LRRTM4: variants seen among roughly 807,000 people sequenced by gnomAD.
The protein encoded by LRRTM4 is leucine-rich repeat transmembrane neuronal protein 4.
In LRRTM4, 25 loss-of-function variants were observed where a neutral mutation model predicts 47.6. That is an observed-to-expected ratio of 0.53 (90% confidence interval 0.38 to 0.73). The LOEUF (loss-of-function observed/expected upper bound fraction) is 0.73. LRRTM4 is among the 30% of genes least tolerant of loss of function. The probability of loss-of-function intolerance (pLI) is 0.00; values close to 1 mark genes in which losing one functional copy is unlikely to be tolerated. For synonymous variants in LRRTM4, 311 were observed against 269.5 expected (o/e 1.15, Z -1.51); for missense variants, 638 against 713.4 (o/e 0.89, Z 1.20).
chr2:76,838,509 A>AT (rs955770669), intron 3 of LRRTM4, among the ~76,000 whole-genome samples: 15 of 152,126 alleles, frequency 9.9e-5, no homozygotes, highest in African/African-American at 3.6e-4. Context: ...ACATATTCTG[A>AT]TTTTGTTATC....
chr2:76,961,416 A>G (rs923179056), intron 3 of LRRTM4, among the ~76,000 whole-genome samples: 2 of 150,776 alleles, frequency 1.3e-5, no homozygotes, highest in South Asian at 4.2e-4. Context: ...AAAAAAAAAA[A>G]CTCATCGTCA....
At chr2:77,144,347 GAACGGAA>G (rs1295847328) in intron 3 of LRRTM4, among the ~76,000 whole-genome samples, 1 of 151,934 alleles carries the variant, frequency 6.6e-6, no homozygotes, top group African/African-American at 2.4e-5. Flanking sequence ...ACCTTTTCTT[GAACGGAA>G]ACCTGGGAAG....
chr2:76,829,663 G>C (rs969218484), intron 3 of LRRTM4, among the ~76,000 whole-genome samples: 2 of 151,890 alleles, frequency 1.3e-5, no homozygotes, highest in Non-Finnish European at 2.9e-5. Context: ...GTATGTGGAG[G>C]ACAAGGCTTA....
At chr2:77,152,045 T>C (rs1267765146) in intron 3 of LRRTM4, among the ~76,000 whole-genome samples, 1 of 152,172 alleles carries the variant, frequency 6.6e-6, no homozygotes, top group Admixed American at 6.5e-5. Context: ...TATTAAAAGT[T>C]AGATGTAGCT....
At chr2:77,469,648 C>T (rs1677109022) in intron 3 of LRRTM4, among the ~76,000 whole-genome samples, 1 of 151,936 alleles carries the variant, frequency 6.6e-6, no homozygotes, top group Non-Finnish European at 1.5e-5. Flanking sequence ...TGAATTGTGG[C>T]AAACTAAAGA....
chr2:77,445,666 A>C (rs1676024156), intron 3 of LRRTM4, among the ~76,000 whole-genome samples: 1 of 152,014 alleles, frequency 6.6e-6, no homozygotes, highest in Non-Finnish European at 1.5e-5. Context: ...TCCAAACAAA[A>C]TACCATTTGT....
intron 3 of LRRTM4, among the ~76,000 whole-genome samples, chr2:76,932,431 G>C (rs1390396676): frequency 6.6e-6 from 1 of 151,922 alleles, no homozygotes; most frequent in Non-Finnish European, 1.5e-5. Context: ...CTATAATAAA[G>C]GCATTCCCCT....
intron 3 of LRRTM4, among the ~76,000 whole-genome samples, chr2:77,064,218 A>G (rs763163700): frequency 1.3e-5 from 2 of 152,142 alleles, no homozygotes; most frequent in Non-Finnish European, 2.9e-5. Flanking sequence ...TCCAATAAGT[A>G]CTTCCACCCT....
chr2:77,149,642 T>C (rs549480072), intron 3 of LRRTM4, among the ~76,000 whole-genome samples: 2 of 152,346 alleles, frequency 1.3e-5, no homozygotes, highest in African/African-American at 4.8e-5. Flanking sequence ...GTTTCTGACA[T>C]ATCAGGCTTT....
intron 3 of LRRTM4, among the ~76,000 whole-genome samples, chr2:77,172,658 C>T (rs1573036759): frequency 6.6e-6 from 1 of 152,030 alleles, no homozygotes. Flanking sequence ...CAAACAATAG[C>T]ATTCTTTTAC....
intron 3 of LRRTM4, among the ~76,000 whole-genome samples, chr2:76,881,888 G>C (rs1351285257): frequency 1.3e-5 from 2 of 152,114 alleles, no homozygotes; most frequent in African/African-American, 2.4e-5. Flanking sequence ...GTAAATGGTT[G>C]CAAGTTTTAC....
At chr2:77,290,318 A>T (rs1020025085) in intron 3 of LRRTM4, among the ~76,000 whole-genome samples, 1 of 151,510 alleles carries the variant, frequency 6.6e-6, no homozygotes, top group African/African-American at 2.4e-5. Context: ...CATATGTCTC[A>T]TGTTCTCACT....
intron 3 of LRRTM4, among the ~76,000 whole-genome samples, chr2:76,960,692 C>T (rs899080607): frequency 2.0e-5 from 3 of 151,594 alleles, no homozygotes; most frequent in Middle Eastern, 3.4e-3. Context: ...TCTAGAATCA[C>T]GACGTTAAGT....
At chr2:77,189,220 A>G (rs1320667565) in intron 3 of LRRTM4, among the ~76,000 whole-genome samples, 1 of 152,226 alleles carries the variant, frequency 6.6e-6, no homozygotes, top group Non-Finnish European at 1.5e-5. Context: ...ATTTCAATAA[A>G]TAACTTACAA....
At chr2:76,991,161 T>C (rs1327515030) in intron 3 of LRRTM4, among the ~76,000 whole-genome samples, 1 of 151,666 alleles carries the variant, frequency 6.6e-6, no homozygotes, top group Non-Finnish European at 1.5e-5. Context: ...AAGAGCAAAA[T>C]TTTTAGTCAT....
chr2:77,468,796 C>A (rs1220326130), intron 3 of LRRTM4, among the ~76,000 whole-genome samples: 2 of 152,176 alleles, frequency 1.3e-5, no homozygotes, highest in African/African-American at 4.8e-5. Context: ...AAGTCTACCC[C>A]TACACAGGCC....
chr2:77,174,146 C>G (rs1673128576), intron 3 of LRRTM4, among the ~76,000 whole-genome samples: 1 of 152,204 alleles, frequency 6.6e-6, no homozygotes, highest in Non-Finnish European at 1.5e-5. Context: ...CACTATCAAT[C>G]CTGCCCGTGC....
chr2:77,374,069 A>G (rs1446026849), intron 3 of LRRTM4, among the ~76,000 whole-genome samples: 3 of 151,800 alleles, frequency 2.0e-5, no homozygotes, highest in Non-Finnish European at 2.9e-5. Flanking sequence ...GCAAGCTTAT[A>G]TCTGCAACCT....
At chr2:76,984,217 C>G (rs537652940) in intron 3 of LRRTM4, among the ~76,000 whole-genome samples, 16 of 152,014 alleles carry the variant, frequency 1.1e-4, no homozygotes, top group African/African-American at 3.6e-4. Context: ...CTTTTCACAG[C>G]TTTATGATGT....
Sources: gnomAD v4.1 joint callset for allele counts (sites outside exome capture counted in the v4.1 genomes callset) on GRCh38, gnomAD v4.1.1 for gene constraint, MANE v1.5 for transcripts, NCBI Gene and HGNC (gene_info 2026-07-23, HGNC 2026-07-21) for gene names.